INTS4: variants seen among roughly 807,000 people sequenced by gnomAD.
INTS4 encodes MSTP093.
In INTS4, 70 loss-of-function variants were observed where a neutral mutation model predicts 119.5. The ratio of observed to expected loss-of-function variants is 0.59; its 90% confidence interval spans 0.48 to 0.71. The LOEUF (loss-of-function observed/expected upper bound fraction) is 0.71. Ranked by LOEUF, INTS4 falls within the 30% of genes least tolerant of loss-of-function variation. The probability of loss-of-function intolerance (pLI) is 0.00; values close to 1 mark genes in which losing one functional copy is unlikely to be tolerated. For synonymous variants in INTS4, 316 were observed against 419.6 expected (o/e 0.75, Z 3.02); for missense variants, 867 against 1,173.2 (o/e 0.74, Z 3.81).
chr11:77,976,691 G>A (rs11237341), intron 4 of INTS4, among the ~76,000 whole-genome samples: 29,201 of 152,094 alleles, frequency 0.19, 2,837 homozygotes, highest in Middle Eastern at 0.23. Context: ...GTCCAACAAT[G>A]ATAGACTGGA....
chr11:77,961,135 GA>G lies in INTS4; in HGVS notation c.474del (p.Leu159Ter), dbSNP rs1565274764. 9 of 1,307,658 alleles carry G rather than the reference GA, an allele frequency of 6.9e-6. No individual in the cohort carries two copies. The highest frequency in any genetic ancestry group is 9.0e-6 in the Non-Finnish European group (9 of 996,466). 81.0% of individuals were successfully genotyped at this position (1,307,658 alleles called of 1,614,324 possible). A position where few individuals can be genotyped will look rare whatever the true frequency, so the allele number is the denominator to read the frequency against. On this transcript the variant is annotated frameshift_variant and splice_region_variant, in exon 5 of 23. Transcript: ENST00000534064. LOFTEE classifies it high-confidence loss of function. The part of the protein sequence containing the change: ...QMRLVDVACK[H>X]LTDTSHGVRN... ...CTTACACCATGAGACGTATCTGTCA[GA>G]TGCTATTAAAAAAAAAAAAAAAAAG... is the stretch of plus-strand genomic sequence containing the variant.
intron 22 of INTS4, among the ~76,000 whole-genome samples, chr11:77,881,703 T>C (rs1951798568): frequency 6.6e-6 from 1 of 152,196 alleles, no homozygotes; most frequent in African/African-American, 2.4e-5. Flanking sequence ...CACAGGCTAC[T>C]AAAACAATGG....
At chr11:77,957,409 G>C (rs1462385428) in intron 7 of INTS4, among the ~76,000 whole-genome samples, 5 of 151,720 alleles carry the variant, frequency 3.3e-5, no homozygotes, top group African/African-American at 9.7e-5. Context: ...AATGAGCTGG[G>C]TGTGGTGGTG....
chr11:77,879,113 C>T lies in INTS4; in HGVS notation c.2728G>A (p.Glu910Lys). ...TTGTAGGCCAGCAGCAGCCTCACTT[C>T]CACCTGGCATGCCTCTGAAAAAAAG... ...HTAWTEACQV[E>K]VRLLLAYNSS... is the part of the protein sequence containing the mutation. Residue 910 changes from glutamate (E) to lysine (K), a missense_variant, in exon 23 of 23, where the codon GAA (glutamate) becomes AAA (lysine). Physicochemically the swap from Glu to Lys is moderately conservative, Grantham distance 56. Coordinates refer to ENST00000534064, the MANE Select transcript of INTS4 (RefSeq NM_033547.4). The T allele has an allele frequency of 6.2e-7, 1 of 1,614,118 alleles. No homozygotes were observed. Among genetic ancestry groups the T allele is most frequent in the Non-Finnish European group, 8.5e-7 (1 of 1,180,024 alleles).
rs373260073 is a variant in INTS4 at position 77,921,357 on chromosome 11, G to A, written c.1747C>T (p.Leu583Phe). 30 of 1,613,408 alleles carry A rather than the reference G, an allele frequency of 1.9e-5. No homozygotes were observed. Among genetic ancestry groups the A allele is most frequent in the Non-Finnish European group, 2.5e-5 (29 of 1,179,542 alleles). The change falls in exon 14 of 23, where the codon CTT (leucine) becomes TTT (phenylalanine). Residue 583 changes from leucine to phenylalanine, a missense_variant. By Grantham distance (22) the Leu-to-Phe change is conservative (BLOSUM62 0). Around this residue, in one of 5 missense-constraint regions of INTS4, gnomAD observed 262 missense variants for 376.0 expected, o/e 0.70. Coordinates refer to ENST00000534064, the MANE Select transcript of INTS4 (RefSeq NM_033547.4). Reference protein sequence around the residue: ...YAYLRDSLSHLVPALRLPGRK... With the variant: ...YAYLRDSLSHFVPALRLPGRK... ...CAACATACCCTCAAGGCAGGAACAA[G>A]ATGAGAAAGACTGTCTCGGAGGTAG...
intron 15 of INTS4, among the ~76,000 whole-genome samples, chr11:77,914,647 G>A (rs1474383544): frequency 1.3e-5 from 2 of 152,206 alleles, no homozygotes; most frequent in Non-Finnish European, 2.9e-5. Context: ...TATGGTCTCT[G>A]TGGCAACTAC....
intron 14 of INTS4, among the ~76,000 whole-genome samples, chr11:77,921,110 T>G (rs1953350607): frequency 6.6e-6 from 1 of 151,960 alleles, no homozygotes; most frequent in Non-Finnish European, 1.5e-5. Context: ...TTCTACTATT[T>G]AATAACCACA....
chr11:77,976,609 A>G (rs935675521), intron 4 of INTS4, among the ~76,000 whole-genome samples: 2 of 152,244 alleles, frequency 1.3e-5, no homozygotes, highest in Non-Finnish European at 2.9e-5. Flanking sequence ...TCATGATGCT[A>G]TAAAGACACA....
chr11:77,954,363 T>C (rs1434217360), intron 8 of INTS4, among the ~76,000 whole-genome samples: 1 of 152,116 alleles, frequency 6.6e-6, no homozygotes, highest in Non-Finnish European at 1.5e-5. Flanking sequence ...TTGCCCAGGC[T>C]GGTCTTGAAC....
downstream of INTS4, chr11:77,878,661 G>A (rs1420718312): frequency 1.4e-5 from 9 of 656,272 alleles, no homozygotes; most frequent in East Asian, 1.6e-4. Flanking sequence ...TAAGCACGTA[G>A]TATAAAAGCT....
At chr11:77,915,328 CTG>C (rs1053446947) in intron 15 of INTS4, 7 of 152,384 alleles carry the variant, frequency 4.6e-5, no homozygotes, top group African/African-American at 1.7e-4. Context: ...GGGCCCATCA[CTG>C]GAGTGGCTGG....
At chr11:77,923,695 C>A (rs1453280245) in intron 12 of INTS4, among the ~76,000 whole-genome samples, 1 of 151,720 alleles carries the variant, frequency 6.6e-6, no homozygotes, top group African/African-American at 2.4e-5. Context: ...ATTATAACTA[C>A]ATGAGGGCCC....
At chr11:77,898,072 C>T (rs1952608266) in intron 18 of INTS4, among the ~76,000 whole-genome samples, 1 of 152,168 alleles carries the variant, frequency 6.6e-6, no homozygotes, top group Non-Finnish European at 1.5e-5. Context: ...CTGCTTTGGC[C>T]TCCCAAAGTC....
intron 6 of INTS4, 96 bp downstream of exon 6, chr11:77,960,245 G>A (rs533578975): frequency 3.0e-5 from 24 of 790,170 alleles, no homozygotes; most frequent in African/African-American, 1.0e-4. Context: ...ATTAACTAGC[G>A]AAGTCCTTAC....
intron 4 of INTS4, among the ~76,000 whole-genome samples, chr11:77,972,367 G>C (rs1565283031): frequency 2.0e-5 from 3 of 150,932 alleles, no homozygotes; most frequent in Admixed American, 6.6e-5. Flanking sequence ...CCAAAGTAGT[G>C]GGATTACAGG....
intron 2 of INTS4, among the ~76,000 whole-genome samples, chr11:77,988,500 C>T (rs1051588531): frequency 6.6e-6 from 1 of 152,022 alleles, no homozygotes; most frequent in Non-Finnish European, 1.5e-5. Context: ...ACATAATTAA[C>T]AAGAAATTAT....
chr11:77,985,223 T>A (rs532696922), intron 2 of INTS4, among the ~76,000 whole-genome samples: 1 of 152,086 alleles, frequency 6.6e-6, no homozygotes, highest in Non-Finnish European at 1.5e-5. Context: ...CCTCCATACT[T>A]CCCCTCAGAG....
intron 2 of INTS4, 24 bp downstream of exon 2, chr11:77,991,084 A>T (rs2136670960): frequency 6.3e-7 from 1 of 1,599,470 alleles, no homozygotes; most frequent in East Asian, 2.2e-5. Context: ...ATATACTCCC[A>T]TCAGATCCTC....
intron 2 of INTS4, among the ~76,000 whole-genome samples, chr11:77,983,691 G>C (rs1408740780): frequency 6.6e-6 from 1 of 152,152 alleles, no homozygotes; most frequent in East Asian, 1.9e-4. Context: ...GTGTTGGCGA[G>C]GATGTAGAGA....
Sources: allele counts gnomAD v4.1 joint callset (sites outside exome capture counted in the v4.1 genomes callset), GRCh38; gene constraint gnomAD v4.1.1; regional missense constraint gnomAD v4.1.1; transcripts MANE v1.5; gene names NCBI Gene and HGNC (gene_info 2026-07-23, HGNC 2026-07-21).